The following TNR variants were observed in gnomAD, a reference collection of about 807,000 sequenced individuals.
TNR encodes tenascin R.
TNR carries 45 observed loss-of-function variants against 150.4 expected under a neutral mutation model. The observed-to-expected ratio is 0.30, with a 90% CI of 0.24 to 0.38. TNR has a LOEUF of 0.38. TNR is among the 10% of genes least tolerant of loss of function. TNR has a pLI of 1.00. For missense variants in TNR, 1,544 were observed against 1,759.1 expected (o/e 0.88, Z 2.19); for synonymous variants, 687 against 678.4 (o/e 1.01, Z -0.20).
intron 18 of TNR, among the ~76,000 whole-genome samples, chr1:175,338,862 G>A (rs1356260188): frequency 1.3e-5 from 2 of 152,126 alleles, no homozygotes; most frequent in Admixed American, 6.5e-5. Flanking sequence ...GGTTAGAGTC[G>A]GTTTATGGAA....
chr1:175,695,541 T>C (rs1373374973), intron 1 of TNR, among the ~76,000 whole-genome samples: 2 of 152,238 alleles, frequency 1.3e-5, no homozygotes, highest in African/African-American at 2.4e-5. Flanking sequence ...TCTATTCTTC[T>C]AGGCTAATCA....
intron 1 of TNR, among the ~76,000 whole-genome samples, chr1:175,690,542 G>GAGGAC (rs1666330224): frequency 1.3e-5 from 2 of 152,246 alleles, no homozygotes; most frequent in Non-Finnish European, 2.9e-5. Context: ...GGGTGGGTTT[G>GAGGAC]AGGACAGGAG....
At chr1:175,415,787 G>A (rs774400487) in intron 2 of TNR, among the ~76,000 whole-genome samples, 4 of 152,114 alleles carry the variant, frequency 2.6e-5, no homozygotes, top group Non-Finnish European at 5.9e-5. Flanking sequence ...ATGGGATCTT[G>A]AGTATCAATC....
intron 18 of TNR, among the ~76,000 whole-genome samples, chr1:175,343,101 T>C (rs1404047040): frequency 6.6e-6 from 1 of 152,194 alleles, no homozygotes; most frequent in Non-Finnish European, 1.5e-5. Flanking sequence ...GACCTTTTTA[T>C]AGTGTGAATG....
chr1:175,619,305 T>C (rs1474606604), intron 1 of TNR, among the ~76,000 whole-genome samples: 1 of 152,202 alleles, frequency 6.6e-6, no homozygotes, highest in Non-Finnish European at 1.5e-5. Context: ...CTAGTATTTA[T>C]AGAGCCCTTT....
rs762216670 is a variant in TNR at position 175,355,655 on chromosome 1, A to C, written c.3119-22T>G. 8.7e-6 allele frequency: 14 copies of C among 1,612,632 alleles called. 1 individual carries two copies. The highest frequency in any genetic ancestry group is 1.7e-4 in the Middle Eastern group (1 of 5,888). ...AGGACTGCAAAGAGGAGAAAGTGCC[A>C]GGGCATGCCTGCCTCTCCAGCTCCT... On this transcript the variant is annotated intron_variant, in intron 16 of 22. Coordinates refer to ENST00000367674, the MANE Select transcript of TNR (RefSeq NM_003285.3).
At chr1:175,593,271 G>T (rs115402034) in intron 1 of TNR, among the ~76,000 whole-genome samples, 1,940 of 152,248 alleles carry the variant, frequency 0.013, 51 homozygotes, top group African/African-American at 0.044. Flanking sequence ...CCACGAAAGA[G>T]CTCAAGCCAG....
intron 1 of TNR, among the ~76,000 whole-genome samples, chr1:175,707,166 G>C (rs976182909): frequency 1.3e-5 from 2 of 152,106 alleles, no homozygotes; most frequent in Non-Finnish European, 2.9e-5. Context: ...ATATGCCCTA[G>C]AGCACTTTAA....
intron 18 of TNR, among the ~76,000 whole-genome samples, chr1:175,340,009 G>T (rs1043351047): frequency 6.6e-6 from 1 of 152,188 alleles, no homozygotes; most frequent in African/African-American, 2.4e-5. Context: ...AGATGACTTA[G>T]ACAAGGGGAG....
At chr1:175,672,072 C>T (rs969309572) in intron 1 of TNR, among the ~76,000 whole-genome samples, 1 of 152,136 alleles carries the variant, frequency 6.6e-6, no homozygotes, top group African/African-American at 2.4e-5. Flanking sequence ...TGGATAGATT[C>T]AAATTGCTGC....
At chr1:175,430,696 G>A (rs374451022) in intron 2 of TNR, among the ~76,000 whole-genome samples, 26 of 152,110 alleles carry the variant, frequency 1.7e-4, no homozygotes, top group African/African-American at 6.3e-4. Flanking sequence ...CTTCAATGCT[G>A]GCTGATACTT....
intron 1 of TNR, among the ~76,000 whole-genome samples, chr1:175,562,047 A>C (rs1661451508): frequency 6.6e-6 from 1 of 152,236 alleles, no homozygotes; most frequent in African/African-American, 2.4e-5. Context: ...TGGAAGAAGG[A>C]TAAGAGGGCT....
At chr1:175,364,427 C>T (rs1209143961) in intron 12 of TNR, among the ~76,000 whole-genome samples, 1 of 151,788 alleles carries the variant, frequency 6.6e-6, no homozygotes, top group East Asian at 1.9e-4. Flanking sequence ...GAGGAAACTA[C>T]CCAAACATAC....
chr1:175,541,611 C>A (rs998794327), intron 1 of TNR, among the ~76,000 whole-genome samples: 25 of 151,976 alleles, frequency 1.6e-4, no homozygotes, highest in African/African-American at 5.6e-4. Flanking sequence ...TGCAGAGAAC[C>A]ATTACTGAAT....
chr1:175,682,279 C>A (rs537154840), intron 1 of TNR, among the ~76,000 whole-genome samples: 72 of 152,256 alleles, frequency 4.7e-4, no homozygotes, highest in African/African-American at 1.7e-3. Context: ...TTACTGTGAG[C>A]TTCCCCGGGC....
intron 2 of TNR, among the ~76,000 whole-genome samples, chr1:175,485,161 C>T (rs1657957278): frequency 6.6e-6 from 1 of 152,106 alleles, no homozygotes; most frequent in Non-Finnish European, 1.5e-5. Flanking sequence ...ATGCATTTGG[C>T]ATTTCAGTCT....
intron 1 of TNR, among the ~76,000 whole-genome samples, chr1:175,541,134 G>A (rs552515560): frequency 2.2e-4 from 34 of 152,200 alleles, no homozygotes; most frequent in African/African-American, 7.5e-4. Flanking sequence ...AAGACGTCCT[G>A]ACATTCCAGG....
chr1:175,416,129 TACAC>T (rs3030909), intron 2 of TNR, among the ~76,000 whole-genome samples: 1 of 151,236 alleles, frequency 6.6e-6, no homozygotes, highest in South Asian at 2.1e-4. Flanking sequence ...TATATATATA[TACAC>T]ACACACACAC....
At chr1:175,722,148 A>C (rs1325932920) in intron 1 of TNR, among the ~76,000 whole-genome samples, 1 of 151,550 alleles carries the variant, frequency 6.6e-6, no homozygotes, top group African/African-American at 2.4e-5. Flanking sequence ...TCCCATTGCC[A>C]CCCTCCGGGC....
Sources: allele counts gnomAD v4.1 joint callset (sites outside exome capture counted in the v4.1 genomes callset), GRCh38; gene constraint gnomAD v4.1.1; transcripts MANE v1.5; gene names NCBI Gene and HGNC (gene_info 2026-07-23, HGNC 2026-07-21).